PPME1: variants seen among roughly 807,000 people sequenced by gnomAD.
PPME1 encodes testicular secretory protein Li 39.
Under a neutral mutation model 56.9 loss-of-function variants are expected in PPME1, and 17 were observed. The ratio of observed to expected loss-of-function variants is 0.30; its 90% CI spans 0.20 to 0.45. The LOEUF (loss-of-function observed/expected upper bound fraction) is 0.45. PPME1 is among the 20% of genes least tolerant of loss of function. The pLI is 1.00. For missense variants in PPME1, 357 were observed against 483.2 expected, an observed-to-expected ratio of 0.74 and a Z score of 2.45; for synonymous variants, 122 against 156.2, an observed-to-expected ratio of 0.78 and a Z score of 1.63.
chr11:74,253,471 T>C lies in PPME1; in HGVS notation c.1143-21T>C, dbSNP rs1398159853. On this transcript the variant is annotated intron_variant, in intron 13 of 13. Coordinates refer to ENST00000328257, the MANE Select transcript of PPME1 (RefSeq NM_016147.3). ...ATTGATAGTTACATTTGTTTTTCCT[T>C]CTCTTTCTGTTCTTCCACAGTGTGT... The C allele has an allele frequency of 3.1e-6, 5 of 1,601,840 alleles. No individual in the cohort carries two copies. The South Asian group carries it at 5.5e-5, about 18-fold the overall frequency.
intron 1 of PPME1, among the ~76,000 whole-genome samples, chr11:74,195,941 A>G (rs962309150): frequency 1.3e-5 from 2 of 152,202 alleles, no homozygotes; most frequent in South Asian, 2.1e-4. Context: ...TAAAAAGACA[A>G]TTATTCTGGA....
At chr11:74,179,635 C>T (rs1407503388) in intron 1 of PPME1, among the ~76,000 whole-genome samples, 2 of 152,194 alleles carry the variant, frequency 1.3e-5, no homozygotes, top group South Asian at 2.1e-4. Flanking sequence ...ATGCTTGGTA[C>T]GTAATAAACA....
chr11:74,252,396 C>T (rs1859723441), intron 13 of PPME1: 4 of 454,144 alleles, frequency 8.8e-6, no homozygotes, highest in South Asian at 6.2e-5. Context: ...CGCGCCTGGC[C>T]TAGAGCAGGG....
chr11:74,176,990 C>G lies in PPME1; in HGVS notation c.101+5468C>G, dbSNP rs188839798. Among the ~76,000 whole-genome samples, 655 of 152,120 alleles carry G rather than the reference C, an allele frequency of 4.3e-3. 5 individuals are homozygous for G. Among genetic ancestry groups the G allele is most frequent in the Non-Finnish European group, 7.3e-3 (494 of 67,988 alleles). On this transcript the variant is annotated intron_variant, in intron 1 of 13. Transcript: ENST00000328257. ...AGGTAATCCACCCACCTCAGCCTTC[C>G]AAAGTGCTGGGATTACAGGCATGAG...
chr11:74,197,980 C>T (rs1267480485), intron 1 of PPME1, among the ~76,000 whole-genome samples: 1 of 152,298 alleles, frequency 6.6e-6, no homozygotes, highest in East Asian at 1.9e-4. Context: ...CACAGCACCA[C>T]TTTGTCTCCT....
intron 8 of PPME1, among the ~76,000 whole-genome samples, chr11:74,236,917 CTGAT>C (rs2135668389): frequency 6.6e-6 from 1 of 152,272 alleles, no homozygotes; most frequent in South Asian, 2.1e-4. Context: ...ATTTACATTT[CTGAT>C]TGTCTCATAA....
chr11:74,180,780 T>G (rs559025497), intron 1 of PPME1, among the ~76,000 whole-genome samples: 2 of 152,328 alleles, frequency 1.3e-5, no homozygotes, highest in African/African-American at 2.4e-5. Flanking sequence ...GCAATTATTT[T>G]CACACTAGCC....
chr11:74,234,331 T>G (rs1859140850), intron 7 of PPME1, among the ~76,000 whole-genome samples: 1 of 152,188 alleles, frequency 6.6e-6, no homozygotes, highest in South Asian at 2.1e-4. Context: ...CGTCATCACA[T>G]AGTTAATATT....
intron 1 of PPME1, among the ~76,000 whole-genome samples, chr11:74,200,325 GAA>G (rs1161523596): frequency 6.6e-6 from 1 of 151,398 alleles, no homozygotes; most frequent in African/African-American, 2.4e-5. Context: ...AAAATTAATT[GAA>G]GTCTTCTAGT....
intron 1 of PPME1, among the ~76,000 whole-genome samples, chr11:74,185,407 T>A (rs967208467): frequency 6.6e-6 from 1 of 152,176 alleles, no homozygotes; most frequent in African/African-American, 2.4e-5. Context: ...TATATGAACC[T>A]CATTGGTTTT....
chr11:74,218,107 TAGC>T (rs1320247040), intron 3 of PPME1, among the ~76,000 whole-genome samples: 3 of 152,070 alleles, frequency 2.0e-5, no homozygotes, highest in African/African-American at 7.2e-5. Context: ...GTACAAAAAT[TAGC>T]AGCATTCTTA....
At chr11:74,247,495 T>TG (rs57331485) in intron 11 of PPME1, 58,037 of 148,536 alleles carry the variant, frequency 0.39, 13,584 homozygotes, top group Admixed American at 0.56. Context: ...TTTTTTTTTT[T>TG]TTTTTTTTTT....
intron 13 of PPME1, 65 bp downstream of exon 13, chr11:74,251,780 T>G: frequency 6.3e-7 from 1 of 1,584,056 alleles, no homozygotes. Flanking sequence ...CAGACACTTG[T>G]AGGACTGTAA....
intron 1 of PPME1, among the ~76,000 whole-genome samples, chr11:74,177,298 A>C (rs1857423313): frequency 6.6e-6 from 1 of 152,058 alleles, no homozygotes; most frequent in Non-Finnish European, 1.5e-5. Flanking sequence ...TCTTCTCTAC[A>C]AAAATCACAA....
intron 12 of PPME1, 197 bp downstream of exon 12, chr11:74,251,215 A>G: frequency 7.1e-7 from 1 of 1,411,356 alleles, no homozygotes; most frequent in Non-Finnish European, 9.2e-7. Context: ...TGTGCTGAGG[A>G]GCTACTGACA....
chr11:74,243,580 T>G (rs1859431121), intron 9 of PPME1: 1 of 152,054 alleles, frequency 6.6e-6, no homozygotes, highest in Non-Finnish European at 1.5e-5. Context: ...TGGTAAATAT[T>G]AACAGTGGAG....
At chr11:74,209,810 T>C (rs556506169) in intron 3 of PPME1, among the ~76,000 whole-genome samples, 1 of 152,210 alleles carries the variant, frequency 6.6e-6, no homozygotes, top group African/African-American at 2.4e-5. Flanking sequence ...GATAATACTG[T>C]TTGAAGCTAT....
intron 3 of PPME1, among the ~76,000 whole-genome samples, chr11:74,219,332 C>T (rs1459558326): frequency 5.0e-5 from 7 of 140,730 alleles, no homozygotes; most frequent in Admixed American, 4.9e-4. Flanking sequence ...TTGTTGATTC[C>T]TTAAAAAAAA....
At chr11:74,195,226 T>G (rs1269442299) in intron 1 of PPME1, among the ~76,000 whole-genome samples, 2 of 152,236 alleles carry the variant, frequency 1.3e-5, no homozygotes, top group Non-Finnish European at 2.9e-5. Context: ...CCTGTTTGTC[T>G]CTCCTCGAGA....
Sources: gnomAD v4.1 joint callset for allele counts (sites outside exome capture counted in the v4.1 genomes callset) on GRCh38, gnomAD v4.1.1 for gene constraint, MANE v1.5 for transcripts, NCBI Gene and HGNC (gene_info 2026-07-23, HGNC 2026-07-21) for gene names.